GPC6: variants seen among roughly 807,000 people sequenced by gnomAD.
The protein encoded by GPC6 is glypican-6.
A neutral mutation model predicts 55.2 loss-of-function variants in GPC6; 14 were observed. The ratio of observed to expected loss-of-function variants is 0.25; its 90% CI spans 0.17 to 0.40. The LOEUF is 0.40. GPC6 is among the 10% of genes least tolerant of loss of function. GPC6 has a pLI of 1.00. For missense variants in GPC6, 641 were observed against 708.5 expected, an observed-to-expected ratio of 0.90 and a Z score of 1.08; for synonymous variants, 278 against 259.6, an observed-to-expected ratio of 1.07 and a Z score of -0.68.
chr13:93,267,316 C>A (rs947149908), intron 1 of GPC6, among the ~76,000 whole-genome samples: 2 of 151,512 alleles, frequency 1.3e-5, no homozygotes, highest in Non-Finnish European at 2.9e-5. Context: ...AAAAGATATG[C>A]ACCAATGCCA....
chr13:93,366,824 C>G (rs1363442879), intron 1 of GPC6, among the ~76,000 whole-genome samples: 1 of 151,998 alleles, frequency 6.6e-6, no homozygotes, highest in Non-Finnish European at 1.5e-5. Flanking sequence ...TGGTTTTTTG[C>G]TCTGATTTAT....
At position 94,131,343 on chromosome 13, in the gene GPC6, T is replaced by C. The variant is rs568161579; in HGVS notation, c.877+103449T>C. ...AAAATTCAAAAAATAAAATAAATAT[T>C]TTCATTCTGTGCCTGTGATAGTTAT... On this transcript the variant is annotated intron_variant, in intron 4 of 8. Transcript: ENST00000377047. Among the ~76,000 whole-genome samples, 9 of 152,238 alleles carry C rather than the reference T, an allele frequency of 5.9e-5. No homozygotes were observed. The South Asian group carries it at 1.9e-3, about 32-fold the overall frequency.
At chr13:93,326,104 G>A (rs1879643850) in intron 1 of GPC6, among the ~76,000 whole-genome samples, 1 of 152,156 alleles carries the variant, frequency 6.6e-6, no homozygotes. Context: ...CAGCACCACA[G>A]GGAAAACAGG....
At chr13:93,473,821 C>T (rs1036674618) in intron 1 of GPC6, among the ~76,000 whole-genome samples, 5 of 152,116 alleles carry the variant, frequency 3.3e-5, no homozygotes, top group South Asian at 2.1e-4. Flanking sequence ...GCAAGAGTGG[C>T]GACACAGGGC....
intron 1 of GPC6, among the ~76,000 whole-genome samples, chr13:93,349,448 G>A (rs1355647545): frequency 1.3e-5 from 2 of 152,024 alleles, no homozygotes; most frequent in African/African-American, 2.4e-5. Context: ...TAAATGTTGG[G>A]TATAAAAATG....
At chr13:93,811,845 A>C (rs569488173) in intron 2 of GPC6, among the ~76,000 whole-genome samples, 1 of 152,126 alleles carries the variant, frequency 6.6e-6, no homozygotes, top group Non-Finnish European at 1.5e-5. Context: ...AAAATGTGAA[A>C]ATAAAGCTGC....
At chr13:93,608,761 G>A (rs1282779681) in intron 2 of GPC6, among the ~76,000 whole-genome samples, 1 of 152,200 alleles carries the variant, frequency 6.6e-6, no homozygotes, top group East Asian at 1.9e-4. Context: ...GGTGGTGTGT[G>A]AGAGGATTAT....
intron 2 of GPC6, among the ~76,000 whole-genome samples, chr13:93,670,324 C>T (rs747946916): frequency 1.3e-5 from 2 of 152,196 alleles, no homozygotes; most frequent in Non-Finnish European, 2.9e-5. Flanking sequence ...AAGAAGATGA[C>T]TGCCATGTCT....
rs200081514 is a variant in GPC6, at chr13:94,339,456, C to T, written c.1152+33333C>T. 2.0e-5 allele frequency among the ~76,000 whole-genome samples: 3 copies of T among 152,250 alleles called. No homozygotes were observed. The East Asian group carries it at 5.8e-4, about 29-fold the overall frequency. ...TGTAACTTATCTCTTTGACTGCTCA[C>T]TCGGGGCCTGTGATAGTCAGGGATA... On this transcript the variant is annotated intron_variant, in intron 6 of 8. Coordinates refer to ENST00000377047, the MANE Select transcript of GPC6 (RefSeq NM_005708.5).
intron 6 of GPC6, among the ~76,000 whole-genome samples, chr13:94,332,791 A>G (rs969264082): frequency 6.6e-6 from 1 of 152,218 alleles, no homozygotes; most frequent in Non-Finnish European, 1.5e-5. Flanking sequence ...TTGACCAGTA[A>G]TGAGTTTTGC....
chr13:94,157,378 A>G (rs1482279680), intron 4 of GPC6, among the ~76,000 whole-genome samples: 1 of 152,156 alleles, frequency 6.6e-6, no homozygotes, highest in Non-Finnish European at 1.5e-5. Context: ...GAGAAAGAAC[A>G]CCTCCAACTG....
intron 3 of GPC6, among the ~76,000 whole-genome samples, chr13:93,959,245 C>T (rs940548375): frequency 2.9e-4 from 44 of 150,924 alleles, no homozygotes; most frequent in African/African-American, 1.1e-3. Flanking sequence ...TCACTGCAAC[C>T]TCCGCCTCCC....
intron 3 of GPC6, among the ~76,000 whole-genome samples, chr13:93,908,159 G>A (rs1156547283): frequency 1.3e-5 from 2 of 152,158 alleles, no homozygotes; most frequent in East Asian, 3.8e-4. Context: ...TATCACAGCA[G>A]TTTGTAGCCA....
At chr13:93,333,530 A>ATT (rs1879929488) in intron 1 of GPC6, among the ~76,000 whole-genome samples, 1 of 126,180 alleles carries the variant, frequency 7.9e-6, no homozygotes, top group Non-Finnish European at 1.7e-5. Context: ...AATGCTATTG[A>ATT]ATTTTTTTTT....
At chr13:93,957,307 A>C (rs1028177155) in intron 3 of GPC6, among the ~76,000 whole-genome samples, 2 of 152,064 alleles carry the variant, frequency 1.3e-5, no homozygotes, top group African/African-American at 4.8e-5. Context: ...GGCTTGTTAC[A>C]TGGGTGTATT....
chr13:94,086,627 C>G (rs146053193), intron 4 of GPC6, among the ~76,000 whole-genome samples: 81 of 152,284 alleles, frequency 5.3e-4, no homozygotes, highest in African/African-American at 1.8e-3. Flanking sequence ...CTTCCCAACA[C>G]AGCATTAATG....
intron 3 of GPC6, among the ~76,000 whole-genome samples, chr13:93,951,999 G>T (rs797021856): frequency 2.6e-5 from 4 of 152,218 alleles, no homozygotes; most frequent in African/African-American, 9.6e-5. Context: ...CTAGTTGATG[G>T]CTCTGTTCTT....
intron 3 of GPC6, among the ~76,000 whole-genome samples, chr13:93,836,890 T>C (rs1033297740): frequency 2.0e-5 from 3 of 152,138 alleles, no homozygotes; most frequent in Admixed American, 2.0e-4. Flanking sequence ...AAAGTCCAGG[T>C]GTCAGTAGAA....
Position 93,813,667 on chromosome 13 carries a change from T to A in GPC6, c.320-16487T>A, listed in dbSNP as rs538548823. Among the ~76,000 whole-genome samples, 7 of 152,104 alleles carry A rather than the reference T, an allele frequency of 4.6e-5. No individual in the cohort carries two copies. The Middle Eastern group carries it at 0.01, about 222-fold the overall frequency. Reference sequence around the variant, plus strand: ...ACCATGATATTTAAAATAAATAAAGTATTGGTAACCACAAAGTTATCTTTT... The same window carrying A: ...ACCATGATATTTAAAATAAATAAAGAATTGGTAACCACAAAGTTATCTTTT... On this transcript the variant is annotated intron_variant, in intron 2 of 8. Coordinates refer to ENST00000377047, the MANE Select transcript of GPC6 (RefSeq NM_005708.5).
Sources: gnomAD v4.1 joint callset for allele counts (sites outside exome capture counted in the v4.1 genomes callset) on GRCh38, gnomAD v4.1.1 for gene constraint, MANE v1.5 for transcripts, NCBI Gene and HGNC (gene_info 2026-07-23, HGNC 2026-07-21) for gene names.